Variants in GRAMD1B observed in about 807,000 individuals in gnomAD.
The protein encoded by GRAMD1B is protein Aster-B.
GRAMD1B carries 37 observed loss-of-function variants against 99.7 expected under a neutral mutation model. The ratio of observed to expected loss-of-function variants is 0.37; its 90% CI spans 0.29 to 0.49. GRAMD1B has a LOEUF of 0.49. Among genes scored for constraint, GRAMD1B ranks in the 20% least tolerant of loss-of-function variants. The probability of loss-of-function intolerance (pLI) is 0.98; values close to 1 mark genes in which losing one functional copy is unlikely to be tolerated. For synonymous variants in GRAMD1B, 427 were observed against 387.6 expected (o/e 1.10, Z -1.19); for missense variants, 888 against 1,009.2 (o/e 0.88, Z 1.63).
intron 2 of GRAMD1B, among the ~76,000 whole-genome samples, chr11:123,565,225 G>T (rs1024604264): frequency 1.3e-5 from 2 of 149,132 alleles, no homozygotes; most frequent in Non-Finnish European, 3.0e-5. Context: ...TTTTTTTAGG[G>T]ATGAGGTCTT....
At chr11:123,467,394 CT>C (rs11447711) in intron 1 of GRAMD1B, among the ~76,000 whole-genome samples, 2,565 of 103,314 alleles carry the variant, frequency 0.025, 81 homozygotes, top group African/African-American at 0.088. Context: ...TTTTCAACAC[CT>C]TTTTTTTTTT....
At chr11:123,543,748 G>A (rs1944775213) in intron 2 of GRAMD1B, among the ~76,000 whole-genome samples, 3 of 152,254 alleles carry the variant, frequency 2.0e-5, no homozygotes, top group Middle Eastern at 3.4e-3. Flanking sequence ...AGAAGAATTC[G>A]CCATTTCCTC....
intron 1 of GRAMD1B, among the ~76,000 whole-genome samples, chr11:123,450,074 A>G (rs1220525271): frequency 6.6e-6 from 1 of 152,154 alleles, no homozygotes; most frequent in African/African-American, 2.4e-5. Flanking sequence ...CAAACTTGGC[A>G]TAGTTAGGTG....
chr11:123,610,232 G>C lies in GRAMD1B; in HGVS notation c.1813G>C (p.Val605Leu). ...YKASQESECY[V>L]IDAEVLTHDV... ...GGCGAGCCAGGAGAGTGAATGTTAC[G>C]TGATAGATGCCGAAGTCCTCACCCA... The change falls in exon 14 of 20, where the codon GTG becomes CTG. Residue 605 changes from valine (V) to leucine (L), a missense_variant. Coordinates refer to ENST00000635736, the MANE Select transcript of GRAMD1B (RefSeq NM_001387025.1). The surrounding 1 kb of genome is among the most constrained non-coding windows in gnomAD (Gnocchi z 4.1). The C allele has an allele frequency of 6.2e-7, 1 of 1,613,854 alleles. No individual in the cohort carries two copies. Among genetic ancestry groups the C allele is most frequent in the Non-Finnish European group, 8.5e-7 (1 of 1,179,788 alleles).
Position 123,594,850 on chromosome 11 carries a change from GGCAT to G in GRAMD1B, c.873+15_873+18del. The G allele has an allele frequency of 7.0e-7, 1 of 1,420,326 alleles. No homozygotes were observed. The highest frequency in any genetic ancestry group is 1.0e-6 in the Non-Finnish European group (1 of 1,003,102). 88.0% of individuals were successfully genotyped at this position (1,420,326 alleles called of 1,614,324 possible). A position where few individuals can be genotyped will look rare whatever the true frequency, so the allele number is the denominator to read the frequency against. On this transcript the variant is annotated intron_variant, in intron 6 of 19. Coordinates refer to ENST00000635736, the MANE Select transcript of GRAMD1B (RefSeq NM_001387025.1). ...GCTGGGAAACTCTGGTAAAGACCTG[GGCAT>G]GCTCCCTTGGGCTGTCTCCTTGGCT...
chr11:123,593,902 C>CCCCA (rs1199791022), intron 4 of GRAMD1B, among the ~76,000 whole-genome samples, 180 bp from the exon 5 acceptor site: 1 of 152,156 alleles, frequency 6.6e-6, no homozygotes, highest in Non-Finnish European at 1.5e-5. Flanking sequence ...ACCAGATTCT[C>CCCCA]CCCACTGTGT....
intron 2 of GRAMD1B, among the ~76,000 whole-genome samples, chr11:123,528,606 G>A (rs1039145602): frequency 5.9e-5 from 9 of 152,086 alleles, no homozygotes; most frequent in African/African-American, 1.9e-4. Flanking sequence ...AGCAGGGTAA[G>A]TTTCCCCAGT....
In GRAMD1B at chr11:123,606,624, C is replaced by G; in HGVS notation, c.1339C>G (p.Leu447Val). ...TTGGCTCCAGTTTGATGGGCTGCCCCTGGAGGAAGAGGCGCTGGAGGGAGA... is the reference window on the plus strand; with the variant it reads ...TTGGCTCCAGTTTGATGGGCTGCCCGTGGAGGAAGAGGCGCTGGAGGGAGA... Reference protein sequence around the residue: ...EAPVSFDGLPLEEEALEGDGS... With the variant: ...EAPVSFDGLPVEEEALEGDGS... Residue 447 changes from leucine to valine, a missense_variant, in exon 11 of 20, where the codon CTG becomes GTG. Coordinates refer to ENST00000635736, the MANE Select transcript of GRAMD1B (RefSeq NM_001387025.1). The G allele has an allele frequency of 6.2e-7, 1 of 1,611,144 alleles. No individual in the cohort carries two copies. Among genetic ancestry groups the G allele is most frequent in the Non-Finnish European group, 8.5e-7 (1 of 1,178,912 alleles).
intron 1 of GRAMD1B, among the ~76,000 whole-genome samples, chr11:123,381,895 G>A (rs532632998): frequency 6.6e-6 from 1 of 152,302 alleles, no homozygotes; most frequent in African/African-American, 2.4e-5. Flanking sequence ...AGCTAGGACC[G>A]GAGGCTTGGG....
At chr11:123,583,222 GGTGT>G (rs1193307721) in intron 3 of GRAMD1B, among the ~76,000 whole-genome samples, 2 of 151,184 alleles carry the variant, frequency 1.3e-5, no homozygotes, top group East Asian at 3.9e-4. Flanking sequence ...GTGCGTGTGT[GGTGT>G]GTATGTGTGC....
chr11:123,363,998 G>C (rs1946235107), intron 1 of GRAMD1B, among the ~76,000 whole-genome samples: 1 of 152,178 alleles, frequency 6.6e-6, no homozygotes, highest in Non-Finnish European at 1.5e-5. Flanking sequence ...ATCGGACATG[G>C]TTGGTTGGGT....
chr11:123,591,047 T>C lies in GRAMD1B; in HGVS notation c.685-3035T>C, dbSNP rs77914348. 2,058 of 174,146 alleles carry C rather than the reference T, an allele frequency of 0.012. 29 individuals carry two copies. The highest frequency in any genetic ancestry group is 0.033 in the African/African-American group (1,405 of 42,568). 10.8% of individuals were successfully genotyped at this position (174,146 alleles called of 1,614,324 possible). Reference sequence around the variant, plus strand: ...GCATCCTCTGGACCCTTGGGGTGACTGTCTGCACTGACCAGGTGGAGGTGC... The same window carrying C: ...GCATCCTCTGGACCCTTGGGGTGACCGTCTGCACTGACCAGGTGGAGGTGC... On this transcript the variant is annotated intron_variant, in intron 4 of 19. Coordinates refer to ENST00000635736, the MANE Select transcript of GRAMD1B (RefSeq NM_001387025.1). This position sits in a 1 kb window ranked among gnomAD's most constrained non-coding sequence, Gnocchi z 4.7.
intron 2 of GRAMD1B, among the ~76,000 whole-genome samples, chr11:123,547,217 A>G (rs952423329): frequency 4.6e-5 from 7 of 152,336 alleles, no homozygotes; most frequent in East Asian, 1.9e-4. Flanking sequence ...CTGGCCCCCA[A>G]CAATAGAGGG....
intron 2 of GRAMD1B, among the ~76,000 whole-genome samples, chr11:123,517,475 C>T (rs762523015): frequency 2.0e-5 from 3 of 152,280 alleles, no homozygotes; most frequent in East Asian, 1.9e-4. Flanking sequence ...TAGTGTCATC[C>T]GCTCCGCATA....
chr11:123,540,397 CTT>C (rs1944390345), intron 2 of GRAMD1B, among the ~76,000 whole-genome samples: 1 of 152,196 alleles, frequency 6.6e-6, no homozygotes, highest in African/African-American at 2.4e-5. Context: ...CCTAATTTCT[CTT>C]TTATTTTCTC....
At chr11:123,580,531 C>T (rs1949236882) in intron 3 of GRAMD1B, among the ~76,000 whole-genome samples, 2 of 152,192 alleles carry the variant, frequency 1.3e-5, no homozygotes. Flanking sequence ...GTCCCATGCA[C>T]GGTGTCTTTC....
intron 2 of GRAMD1B, among the ~76,000 whole-genome samples, chr11:123,563,150 C>G (rs968677479): frequency 6.6e-6 from 1 of 152,120 alleles, no homozygotes; most frequent in Non-Finnish European, 1.5e-5. Flanking sequence ...GAAAATGTCA[C>G]GTGGAGGAGA....
intron 6 of GRAMD1B, 120 bp from the exon 7 acceptor site, chr11:123,595,822 G>C (rs1247878026): frequency 1.7e-6 from 1 of 595,702 alleles, no homozygotes; most frequent in Non-Finnish European, 3.0e-6. Context: ...GCCTCTTCCA[G>C]GGTTATAAAT....
chr11:123,456,825 C>T (rs1429702145), intron 1 of GRAMD1B, among the ~76,000 whole-genome samples: 1 of 148,954 alleles, frequency 6.7e-6, no homozygotes, highest in East Asian at 2.0e-4. Flanking sequence ...GAGGCTGAGG[C>T]AGGAGAATCA....
Sources: allele counts gnomAD v4.1 joint callset (sites outside exome capture counted in the v4.1 genomes callset), GRCh38; gene constraint gnomAD v4.1.1; non-coding constraint Gnocchi (gnomAD v3.1); transcripts MANE v1.5; gene names NCBI Gene and HGNC (gene_info 2026-07-23, HGNC 2026-07-21).